SYNE2: variants seen among roughly 807,000 people sequenced by gnomAD.
SYNE2 encodes the protein nesprin-2.
Under a neutral mutation model 856.3 loss-of-function variants are expected in SYNE2, and 431 were observed. The observed-to-expected ratio is 0.50, with a 90% CI of 0.47 to 0.55. The LOEUF (loss-of-function observed/expected upper bound fraction) is 0.55, where lower values mean the gene tolerates loss of function less well. Among genes scored for constraint, SYNE2 ranks in the 20% least tolerant of loss-of-function variants. The probability of loss-of-function intolerance (pLI) is 0.00; values close to 1 mark genes in which losing one functional copy is unlikely to be tolerated. For synonymous variants in SYNE2, 2,923 were observed against 2,872.3 expected, an observed-to-expected ratio of 1.02 and a Z score of -0.56; for missense variants, 8,129 against 8,023.2, an observed-to-expected ratio of 1.01 and a Z score of -0.50.
At chr14:63,858,516 A>C (rs1043531103) in intron 1 of SYNE2, among the ~76,000 whole-genome samples, 1 of 151,806 alleles carries the variant, frequency 6.6e-6, no homozygotes, top group African/African-American at 2.4e-5. Flanking sequence ...TCCCAGGTTC[A>C]AGCGATTCTC....
intron 84 of SYNE2, among the ~76,000 whole-genome samples, chr14:64,151,799 T>C (rs2098246712): frequency 6.6e-6 from 1 of 152,212 alleles, no homozygotes; most frequent in East Asian, 1.9e-4. Flanking sequence ...CCAGTTTCTT[T>C]GTAATGAGCA....
intron 32 of SYNE2, among the ~76,000 whole-genome samples, chr14:64,014,843 T>C (rs184969153): frequency 6.7e-6 from 1 of 150,366 alleles, no homozygotes; most frequent in African/African-American, 2.4e-5. Context: ...CTTGTTAAAA[T>C]GGTGGGTTAC....
At chr14:63,908,938 G>A (rs1379628589) in intron 1 of SYNE2, among the ~76,000 whole-genome samples, 160 bp from the exon 2 acceptor site, 1 of 152,144 alleles carries the variant, frequency 6.6e-6, no homozygotes, top group Non-Finnish European at 1.5e-5. Context: ...CAAAAAGAAG[G>A]CATAGTTACT....
intron 86 of SYNE2, 75 bp downstream of exon 86, chr14:64,158,870 T>A (rs1232930315): frequency 1.0e-5 from 15 of 1,495,656 alleles, no homozygotes; most frequent in Non-Finnish European, 1.1e-5. Flanking sequence ...GTAACGGGCA[T>A]AACTGTGTTT....
intron 99 of SYNE2, among the ~76,000 whole-genome samples, chr14:64,195,596 T>C (rs144122761): frequency 5.3e-4 from 81 of 152,368 alleles, no homozygotes; most frequent in Non-Finnish European, 1.0e-3. Context: ...TCACCTACTT[T>C]ATAGTAGTGG....
intron 6 of SYNE2, among the ~76,000 whole-genome samples, chr14:63,945,064 C>G (rs1368459370): frequency 6.8e-6 from 1 of 148,144 alleles, no homozygotes; most frequent in Non-Finnish European, 1.5e-5. Context: ...CTCGGCCTCC[C>G]AAAATATTGG....
rs369117320 is a variant in SYNE2, at chr14:64,078,537, G to T, written c.11094G>T (p.Gly3698=). The change falls in exon 55 of 116, where the codon GGG becomes GGT. Residue 3698 remains glycine, a synonymous_variant. Transcript: ENST00000555002. ...GAAAAATAGAAGAAATTAACAATGG[G>T]CTTCATAATGTTGAAAAGATGTTGC... is the stretch of plus-strand genomic sequence containing the variant. ...MRRKIEEINN[G]LHNVEKMLQQ... 6 of 1,613,972 alleles carry T rather than the reference G, an allele frequency of 3.7e-6. No homozygotes were observed. The highest frequency in any genetic ancestry group is 1.3e-5 in the African/African-American group (1 of 74,932).
chr14:64,159,017 TCTTC>T (rs2098308017), intron 86 of SYNE2, among the ~76,000 whole-genome samples: 1 of 152,160 alleles, frequency 6.6e-6, no homozygotes, highest in Non-Finnish European at 1.5e-5. Flanking sequence ...AAATGTTGAA[TCTTC>T]CTTTATTTTC....
intron 6 of SYNE2, among the ~76,000 whole-genome samples, chr14:63,947,720 C>T (rs1013860418): frequency 1.3e-5 from 2 of 152,114 alleles, no homozygotes; most frequent in Admixed American, 1.3e-4. Context: ...GCCTGTAATT[C>T]CAGCTACTCG....
At chr14:63,765,524 G>GTT (rs1449795380) in intron 1 of SYNE2, among the ~76,000 whole-genome samples, 2 of 151,812 alleles carry the variant, frequency 1.3e-5, no homozygotes, top group Non-Finnish European at 2.9e-5. Context: ...GGCTAATTTT[G>GTT]TTTTTGTATT....
rs142215110 is a variant in SYNE2, at chr14:64,181,158, A to G, written c.17556+3675A>G. On this transcript the variant is annotated intron_variant, in intron 96 of 115. Transcript: ENST00000555002. ...ATACCTTCAGAACATTGTTAAGCAG[A>G]AGTATTAATAGCTGAGTCTTCCATT... Among the ~76,000 whole-genome samples, 1,211 of 152,240 alleles carry G rather than the reference A, an allele frequency of 8.0e-3. 13 individuals are homozygous for G. Among genetic ancestry groups the G allele is most frequent in the Non-Finnish European group, 9.8e-3 (669 of 68,018 alleles).
At chr14:64,223,492 C>A (rs2098704079) in intron 113 of SYNE2, 112 bp downstream of exon 113, 3 of 1,164,626 alleles carry the variant, frequency 2.6e-6, no homozygotes, top group Non-Finnish European at 3.8e-6. Flanking sequence ...GCCAGGTGGT[C>A]CGAGTGGGGC....
rs762276798 is a variant in SYNE2 at position 63,846,330 on chromosome 14, G to C, written c.-304-6171G>C. The stretch of plus-strand genomic sequence containing the variant: ...CCCAAAGTGCTAGGATTATAGGTGA[G>C]AGCCATCGTGTGTGTAGCTGGTTTA... On this transcript the variant is annotated intron_variant, in intron 1 of 23. Transcript: ENST00000674003. Among the ~76,000 whole-genome samples the C allele has an allele frequency of 6.2e-4, 95 of 152,298 alleles. 1 individual carries two copies. The highest frequency in any genetic ancestry group is 2.0e-4 in the Admixed American group (3 of 15,302).
At position 64,024,489 on chromosome 14, in the gene SYNE2, A is replaced by G. The variant is rs7141086; in HGVS notation, c.5840+30A>G. 6.9e-3 allele frequency: 10,950 copies of G among 1,595,682 alleles called. 673 individuals carry two copies. The African/African-American group carries it at 0.13, about 19-fold the overall frequency. ...GAAATAAAGATGATATCTAAATAAC[A>G]TGTTTTCTAACCATATCTTTATTTG... On this transcript the variant is annotated intron_variant, in intron 39 of 115. Coordinates refer to ENST00000555002, the MANE Select transcript of SYNE2 (RefSeq NM_182914.3).
chr14:63,845,218 C>A, intron 1 of SYNE2, among the ~76,000 whole-genome samples: 1 of 152,176 alleles, frequency 6.6e-6, no homozygotes, highest in East Asian at 1.9e-4. Context: ...GAGTTCAAAA[C>A]CAGCCTGGCC....
At chr14:63,963,554 G>A (rs2096350225) in intron 9 of SYNE2, among the ~76,000 whole-genome samples, 1 of 152,168 alleles carries the variant, frequency 6.6e-6, no homozygotes, top group Non-Finnish European at 1.5e-5. Flanking sequence ...TTTTTGCAGG[G>A]TGTGAACATC....
intron 16 of SYNE2, 82 bp from the exon 17 acceptor site, chr14:63,982,543 GAAAAA>G (rs2096594608): frequency 2.1e-6 from 2 of 930,402 alleles, no homozygotes; most frequent in East Asian, 3.1e-5. Flanking sequence ...AAAAAGAAAA[GAAAAA>G]AGCCTTGGTG....
At chr14:64,151,520 AAAAAAAAG>A (rs1292217537) in intron 84 of SYNE2, among the ~76,000 whole-genome samples, 172 of 148,270 alleles carry the variant, frequency 1.2e-3, no homozygotes, top group Non-Finnish European at 1.4e-3. Flanking sequence ...TCAAAAAAAA[AAAAAAAAG>A]GCTGGGATCC....
chr14:63,989,331 T>C (rs1005760112), intron 19 of SYNE2, among the ~76,000 whole-genome samples: 6 of 152,224 alleles, frequency 3.9e-5, no homozygotes, highest in East Asian at 1.9e-4. Context: ...GCAGATCAGA[T>C]TTTATTTTAT....
Sources: allele counts gnomAD v4.1 joint callset (sites outside exome capture counted in the v4.1 genomes callset), GRCh38; gene constraint gnomAD v4.1.1; transcripts MANE v1.5; gene names NCBI Gene and HGNC (gene_info 2026-07-23, HGNC 2026-07-21).